The following GALNTL6 variants were observed in gnomAD, a reference collection of about 807,000 sequenced individuals.
GALNTL6 encodes the protein polypeptide N-acetylgalactosaminyltransferase like 6.
Under a neutral mutation model 73.7 loss-of-function variants are expected in GALNTL6, and 46 were observed. The observed-to-expected ratio is 0.62, with a 90% CI of 0.49 to 0.80. The LOEUF is 0.80. Among genes scored for constraint, GALNTL6 ranks in the 30% least tolerant of loss-of-function variants. The probability of loss-of-function intolerance (pLI) is 0.00; values close to 1 mark genes in which losing one functional copy is unlikely to be tolerated. For synonymous variants in GALNTL6, 259 were observed against 263.7 expected (o/e 0.98, Z 0.17); for missense variants, 604 against 755.0 (o/e 0.80, Z 2.34).
intron 7 of GALNTL6, among the ~76,000 whole-genome samples, chr4:172,817,647 T>G (rs1226477158): frequency 2.0e-5 from 3 of 152,174 alleles, no homozygotes; most frequent in Admixed American, 6.6e-5. Context: ...ATATGCTCCT[T>G]CAGCCATGAT....
intron 2 of GALNTL6, among the ~76,000 whole-genome samples, chr4:171,829,110 G>A (rs1183982901): frequency 6.6e-6 from 1 of 152,138 alleles, no homozygotes; most frequent in Non-Finnish European, 1.5e-5. Context: ...AGATTTTTGA[G>A]TGCACAAGAG....
At chr4:172,303,850 C>T (rs959688507) in intron 3 of GALNTL6, among the ~76,000 whole-genome samples, 2 of 152,104 alleles carry the variant, frequency 1.3e-5, no homozygotes, top group Non-Finnish European at 2.9e-5. Context: ...CTCCCCTGCC[C>T]CTGCCCAAGA....
At chr4:172,731,100 T>A (rs1736122938) in intron 5 of GALNTL6, among the ~76,000 whole-genome samples, 1 of 149,356 alleles carries the variant, frequency 6.7e-6, no homozygotes, top group Non-Finnish European at 1.5e-5. Flanking sequence ...AAAAAAAGAG[T>A]TTGAGAGTTT....
At chr4:172,686,102 A>T (rs1732902695) in intron 5 of GALNTL6, among the ~76,000 whole-genome samples, 1 of 152,158 alleles carries the variant, frequency 6.6e-6, no homozygotes, top group South Asian at 2.1e-4. Flanking sequence ...AAGTTTGGAG[A>T]GCAAATCTGT....
At chr4:171,985,757 T>TATATAC (rs1740054570) in intron 2 of GALNTL6, among the ~76,000 whole-genome samples, 3 of 151,252 alleles carry the variant, frequency 2.0e-5, no homozygotes, top group African/African-American at 7.3e-5. Flanking sequence ...TATATATATA[T>TATATAC]GCTTTTTCAA....
At chr4:172,021,916 T>C in intron 2 of GALNTL6, among the ~76,000 whole-genome samples, 1 of 151,988 alleles carries the variant, frequency 6.6e-6, no homozygotes, top group East Asian at 1.9e-4. Context: ...TCCTATGCTT[T>C]CCATAGGCAA....
At chr4:171,846,420 A>C (rs1735370015) in intron 2 of GALNTL6, among the ~76,000 whole-genome samples, 1 of 152,144 alleles carries the variant, frequency 6.6e-6, no homozygotes. Context: ...AACCATGGCC[A>C]GAGGAGGTAG....
chr4:172,670,735 C>T (rs910381759), intron 5 of GALNTL6, among the ~76,000 whole-genome samples: 1 of 151,966 alleles, frequency 6.6e-6, no homozygotes, highest in African/African-American at 2.4e-5. Flanking sequence ...CATTTCTATG[C>T]CTAGAATGGT....
At position 172,454,404 on chromosome 4, in the gene GALNTL6, T is replaced by C. The variant is rs529359962; in HGVS notation, c.553+105715T>C. Reference sequence around the variant, plus strand: ...CAATAGCTTCTAGGACCATTATGTCTCTGTTTCTCAAGTTGGTCTATTTAA... The same window carrying C: ...CAATAGCTTCTAGGACCATTATGTCCCTGTTTCTCAAGTTGGTCTATTTAA... On this transcript the variant is annotated intron_variant, in intron 5 of 12. Coordinates refer to ENST00000506823, the MANE Select transcript of GALNTL6 (RefSeq NM_001034845.3). Among the ~76,000 whole-genome samples the C allele has an allele frequency of 3.9e-5, 6 of 152,326 alleles. No individual in the cohort carries two copies. The East Asian group carries it at 7.7e-4, about 20-fold the overall frequency.
At chr4:172,870,913 A>G (rs1744898928) in intron 7 of GALNTL6, among the ~76,000 whole-genome samples, 1 of 152,242 alleles carries the variant, frequency 6.6e-6, no homozygotes, top group South Asian at 2.1e-4. Flanking sequence ...TAAGTTGGAA[A>G]GAGACAAGGA....
At chr4:172,464,649 G>T (rs1732740741) in intron 5 of GALNTL6, among the ~76,000 whole-genome samples, 1 of 152,048 alleles carries the variant, frequency 6.6e-6, no homozygotes, top group Non-Finnish European at 1.5e-5. Flanking sequence ...AGAGGCTGCA[G>T]TGAGCCGAGA....
At chr4:172,379,536 CAAAAAAAAA>C (rs71592073) in intron 5 of GALNTL6, among the ~76,000 whole-genome samples, 3 of 75,714 alleles carry the variant, frequency 4.0e-5, no homozygotes, top group South Asian at 5.2e-4. Flanking sequence ...GACTCCGTCT[CAAAAAAAAA>C]AAAAAAAAAA....
At chr4:172,272,598 G>A (rs573624456) in intron 3 of GALNTL6, among the ~76,000 whole-genome samples, 1 of 152,138 alleles carries the variant, frequency 6.6e-6, no homozygotes, top group Non-Finnish European at 1.5e-5. Flanking sequence ...CTGTGCAGTA[G>A]GTAGTCCAAA....
At chr4:172,798,580 T>C (rs926541201) in intron 5 of GALNTL6, among the ~76,000 whole-genome samples, 1 of 152,194 alleles carries the variant, frequency 6.6e-6, no homozygotes, top group Non-Finnish European at 1.5e-5. Context: ...CTCTTTTCTT[T>C]ATAAATTTCC....
intron 3 of GALNTL6, among the ~76,000 whole-genome samples, chr4:172,283,133 G>A (rs1739123212): frequency 6.6e-6 from 1 of 152,150 alleles, no homozygotes; most frequent in Admixed American, 6.6e-5. Context: ...TAAGAGTTCA[G>A]AATACAGATA....
At chr4:172,791,609 A>T (rs911523334) in intron 5 of GALNTL6, among the ~76,000 whole-genome samples, 7 of 151,808 alleles carry the variant, frequency 4.6e-5, no homozygotes, top group African/African-American at 1.7e-4. Flanking sequence ...TCTGAGGGGG[A>T]GGGTGGGAAG....
In GALNTL6 at chr4:172,065,598, T is replaced by C. The variant is rs117331416; in HGVS notation, c.139-164058T>C. 2.3e-3 allele frequency among the ~76,000 whole-genome samples: 354 copies of C among 152,146 alleles called. 11 individuals are homozygous for C. In the East Asian group the frequency reaches 0.063, roughly 27 times the overall value. ...ATTTTTTTTTTAGAGTAGTTTTAGGTTCACAGCAAAATTAAGAGGAGGGTA... is the reference window on the plus strand; with the variant it reads ...ATTTTTTTTTTAGAGTAGTTTTAGGCTCACAGCAAAATTAAGAGGAGGGTA... On this transcript the variant is annotated intron_variant, in intron 2 of 12. Coordinates refer to ENST00000506823, the MANE Select transcript of GALNTL6 (RefSeq NM_001034845.3).
chr4:171,957,634 A>G (rs1391768458), intron 2 of GALNTL6, among the ~76,000 whole-genome samples: 1 of 152,212 alleles, frequency 6.6e-6, no homozygotes, highest in Non-Finnish European at 1.5e-5. Flanking sequence ...TTAAGAATAT[A>G]TTAATTAGGA....
intron 2 of GALNTL6, among the ~76,000 whole-genome samples, chr4:171,870,730 T>C (rs1238379415): frequency 1.3e-5 from 2 of 152,110 alleles, no homozygotes; most frequent in East Asian, 3.9e-4. Flanking sequence ...ACTGGTGTCC[T>C]TATAATAGAG....
Sources: allele counts gnomAD v4.1 joint callset (sites outside exome capture counted in the v4.1 genomes callset), GRCh38; gene constraint gnomAD v4.1.1; transcripts MANE v1.5; gene names NCBI Gene and HGNC (gene_info 2026-07-23, HGNC 2026-07-21).